The following INSL6 variants were observed in gnomAD, a reference collection of about 807,000 sequenced individuals.
The protein encoded by INSL6 is insulin like 6.
In INSL6, 16 loss-of-function variants were observed where a neutral mutation model predicts 9.4. The observed-to-expected ratio is 1.70, with a 90% CI of 1.15 to 2.59. The LOEUF (loss-of-function observed/expected upper bound fraction) is 2.59, where lower values mean the gene tolerates loss of function less well. Ranked by LOEUF, INSL6 falls within the 30% of genes most tolerant of loss-of-function variation. The pLI is 0.00. For missense variants in INSL6, 391 were observed against 257.3 expected (o/e 1.52, Z -3.56); for synonymous variants, 154 against 96.9 (o/e 1.59, Z -3.46).
At chr9:5,006,542 T>G in the INSL6 span, among the ~76,000 whole-genome samples, 1 of 152,208 alleles carries the variant, frequency 6.6e-6, no homozygotes, top group Non-Finnish European at 1.5e-5. Flanking sequence ...TTCCATAGGC[T>G]GTACACAAGG....
At chr9:5,105,791 T>C in the INSL6 span, among the ~76,000 whole-genome samples, 1 of 152,100 alleles carries the variant, frequency 6.6e-6, no homozygotes, top group Admixed American at 6.5e-5. Context: ...TTGACAAACC[T>C]GACAAAAACA....
chr9:5,154,433 A>ACACCAAAAGCAATGG (rs1824776620), intron 2 of INSL6, among the ~76,000 whole-genome samples: 1 of 152,204 alleles, frequency 6.6e-6, no homozygotes, highest in Admixed American at 6.5e-5. Context: ...CATGTCTAAA[A>ACACCAAAAGCAATGG]CACCAAAAGC....
intron 1 of INSL6, among the ~76,000 whole-genome samples, chr9:5,182,650 CA>C (rs933720197): frequency 6.7e-6 from 1 of 150,080 alleles, no homozygotes; most frequent in Non-Finnish European, 1.5e-5. Flanking sequence ...CATAAAGAAA[CA>C]AAAAAAACAA....
intron 2 of INSL6, among the ~76,000 whole-genome samples, chr9:5,139,404 C>G (rs1824446331): frequency 6.6e-6 from 1 of 152,096 alleles, no homozygotes; most frequent in Non-Finnish European, 1.5e-5. Flanking sequence ...GGGGATAATA[C>G]TGCCTTTTGC....
chr9:5,022,110 G>T, the INSL6 span: 2 of 1,613,950 alleles, frequency 1.2e-6, no homozygotes, highest in Non-Finnish European at 1.7e-6. Context: ...TTCTTCAGGT[G>T]TATCTTTACC....
chr9:5,126,820 G>A, intron 3 of INSL6: 1 of 1,394,808 alleles, frequency 7.2e-7, no homozygotes, highest in Admixed American at 1.8e-5. Flanking sequence ...TGAGACCAAA[G>A]TAGATTTACA....
chr9:5,062,045 A>G, the INSL6 span, among the ~76,000 whole-genome samples: 2 of 152,170 alleles, frequency 1.3e-5, no homozygotes, highest in African/African-American at 4.8e-5. Flanking sequence ...ACCATCTTAT[A>G]TAGGCCCAGT....
chr9:5,055,734 G>C, the INSL6 span: 1 of 1,609,274 alleles, frequency 6.2e-7, no homozygotes, highest in Non-Finnish European at 8.5e-7. Flanking sequence ...CAAACCAAGA[G>C]GGTTCAAATG....
chr9:5,054,611 T>C, the INSL6 span: 14 of 1,612,262 alleles, frequency 8.7e-6, no homozygotes, highest in East Asian at 1.8e-4. The surrounding 1 kb of genome is among the most constrained non-coding windows in gnomAD (Gnocchi z 4.9). Context: ...TCCAAGACTA[T>C]CATATTTTGA....
chr9:5,034,252 A>T, the INSL6 span, among the ~76,000 whole-genome samples: 2 of 152,160 alleles, frequency 1.3e-5, no homozygotes, highest in African/African-American at 4.8e-5. Context: ...AAGTCCTTAG[A>T]GACCTACAAA....
the INSL6 span, among the ~76,000 whole-genome samples, chr9:5,004,214 A>C: frequency 2.0e-5 from 3 of 152,172 alleles, no homozygotes; most frequent in African/African-American, 7.2e-5. Context: ...ATGATGTACA[A>C]TAGATCTCTT....
the INSL6 span, among the ~76,000 whole-genome samples, chr9:5,009,011 C>G: frequency 2.6e-5 from 4 of 152,150 alleles, no homozygotes; most frequent in African/African-American, 9.7e-5. Flanking sequence ...TTATTCAACT[C>G]TTTCACTGAA....
chr9:5,171,451 T>C lies in INSL6; in HGVS notation c.290-7186A>G, dbSNP rs1252718917. 4.6e-5 allele frequency among the ~76,000 whole-genome samples: 7 copies of C among 152,206 alleles called. No homozygotes were observed. In the East Asian group the frequency reaches 1.2e-3, roughly 25 times the overall value. On this transcript the variant is annotated intron_variant, in intron 1 of 1. Coordinates refer to ENST00000381641, the MANE Select transcript of INSL6 (RefSeq NM_007179.3). Reference sequence around the variant, plus strand: ...GTTAAGGATGCCCTCTCATCACTCCTATTCAACATAGTATCTGAAGTCCTG... The same window carrying C: ...GTTAAGGATGCCCTCTCATCACTCCCATTCAACATAGTATCTGAAGTCCTG...
At chr9:5,150,995 G>T (rs774558301) in intron 2 of INSL6, among the ~76,000 whole-genome samples, 1 of 152,126 alleles carries the variant, frequency 6.6e-6, no homozygotes, top group Non-Finnish European at 1.5e-5. Context: ...GTTAGATGCT[G>T]CCTGTTCTCA....
the INSL6 span, chr9:5,112,765 G>A: frequency 1.5e-5 from 9 of 620,340 alleles, no homozygotes; most frequent in South Asian, 4.6e-5. Context: ...AGAAGGTGTC[G>A]CGCGTGTTCG....
the INSL6 span, among the ~76,000 whole-genome samples, chr9:4,993,579 C>T: frequency 6.6e-6 from 1 of 152,064 alleles, no homozygotes; most frequent in African/African-American, 2.4e-5. Context: ...TAAACTTTGC[C>T]CTAGTATGTA....
chr9:5,101,398 G>C, the INSL6 span, among the ~76,000 whole-genome samples: 1 of 152,248 alleles, frequency 6.6e-6, no homozygotes, highest in Non-Finnish European at 1.5e-5. Flanking sequence ...ACTGGGTGGA[G>C]CCCACCACAG....
chr9:5,125,151 C>A (rs776092761), intron 3 of INSL6, among the ~76,000 whole-genome samples: 35 of 150,720 alleles, frequency 2.3e-4, no homozygotes, highest in Admixed American at 1.1e-3. Context: ...CAGAGAAGAC[C>A]ACCTCAATAT....
chr9:5,080,707 G>GT, the INSL6 span: 1 of 1,488,792 alleles, frequency 6.7e-7, no homozygotes, highest in East Asian at 2.4e-5. Flanking sequence ...TGATCTTATT[G>GT]ATTTTCCAGC....
Sources: gnomAD v4.1 joint callset for allele counts (sites outside exome capture counted in the v4.1 genomes callset) on GRCh38, gnomAD v4.1.1 for gene constraint, Gnocchi (gnomAD v3.1) non-coding constraint, MANE v1.5 for transcripts, NCBI Gene and HGNC (gene_info 2026-07-23, HGNC 2026-07-21) for gene names.